The following MFGE8 variants were observed in gnomAD, a reference collection of about 807,000 sequenced individuals.
The protein encoded by MFGE8 is lactadherin.
Under a neutral mutation model 42.6 loss-of-function variants are expected in MFGE8, and 34 were observed. That is an observed-to-expected ratio of 0.80 (90% CI 0.61 to 1.06). MFGE8 has a LOEUF of 1.06. Ranked by LOEUF, MFGE8 falls within the 50% of genes least tolerant of loss-of-function variation. The pLI, the probability that MFGE8 is intolerant of heterozygous loss-of-function variation, is 0.00. For missense variants in MFGE8, 510 were observed against 516.9 expected (o/e 0.99, Z 0.13); for synonymous variants, 230 against 214.8 (o/e 1.07, Z -0.62).
In MFGE8 at chr15:88,901,630, G is replaced by T; in HGVS notation, c.791C>A (p.Pro264His). The change falls in exon 6 of 8, where the codon CCC becomes CAC. Residue 264 changes from proline (P) to histidine (H), a missense_variant. Pro to His is a moderately conservative substitution (Grantham distance 77). Coordinates refer to ENST00000268150, the MANE Select transcript of MFGE8 (RefSeq NM_005928.4). ...CTGCTTGTCCAGCCGTGCATAGGAG[G>T]GGTTCCAGCTGAAGAGATGCAAGCC... ...TWGLHLFSWN[P>H]SYARLDKQGN... 1.9e-6 allele frequency: 3 copies of T among 1,613,936 alleles called. No homozygotes were observed. The highest frequency in any genetic ancestry group is 2.5e-6 in the Non-Finnish European group (3 of 1,179,994).
intron 1 of MFGE8, chr15:88,913,005 G>T: frequency 1.0e-6 from 1 of 985,444 alleles, no homozygotes; most frequent in Non-Finnish European, 1.2e-6. Flanking sequence ...GCATCCCTGG[G>T]GGCGGCAGGG....
At chr15:88,913,146 CT>C in intron 1 of MFGE8, 100 bp downstream of exon 1, 1 of 1,430,524 alleles carries the variant, frequency 7.0e-7, no homozygotes. Context: ...GGGGCTTTGT[CT>C]AAGTTTGTCA....
Position 88,899,791 on chromosome 15 carries a change from C to T in MFGE8, c.891G>A (p.Lys297=). Residue 297 remains lysine (K), a synonymous_variant, in exon 7 of 8, where the codon AAG becomes AAA. Transcript: ENST00000268150. This position sits in a 1 kb window ranked among gnomAD's most constrained non-coding sequence, Gnocchi z 6.8. ...QWLQVDLGSS[K]EVTGIITQGA... ...CCTGGGTGATGATGCCTGTCACCTC[C>T]TTCGAGGAGCCCAGGTCCACCTACA... 2 of 1,614,010 alleles carry T rather than the reference C, an allele frequency of 1.2e-6. No homozygotes were observed. The highest frequency in any genetic ancestry group is 1.7e-6 in the Non-Finnish European group (2 of 1,179,910).
At position 88,899,925 on chromosome 15, in the gene MFGE8, C is replaced by T. The variant is rs758841497; in HGVS notation, c.871-114G>A. On this transcript the variant is annotated intron_variant, in intron 6 of 7. Coordinates refer to ENST00000268150, the MANE Select transcript of MFGE8 (RefSeq NM_005928.4). The surrounding 1 kb of genome is among the most constrained non-coding windows in gnomAD (Gnocchi z 6.8). ...TTTGAAAAAAACTACTTGGGTGAGC[C>T]TCAGTTTCTTTGGCTATAAAATGGG... 4.2e-5 allele frequency: 54 copies of T among 1,282,868 alleles called. No homozygotes were observed. Among genetic ancestry groups the T allele is most frequent in the Non-Finnish European group, 5.5e-5 (50 of 901,878 alleles). 79.5% of individuals were successfully genotyped at this position (1,282,868 alleles called of 1,614,324 possible).
At position 88,906,234 on chromosome 15, in the gene MFGE8, C is replaced by T. The variant is rs1898669408; in HGVS notation, c.541-333G>A. 4.3e-6 allele frequency: 2 copies of T among 463,740 alleles called. No individual in the cohort carries two copies. Among genetic ancestry groups the T allele is most frequent in the Admixed American group, 6.8e-5 (2 of 29,568 alleles). 28.7% of individuals were successfully genotyped at this position (463,740 alleles called of 1,614,324 possible). A position where few individuals can be genotyped will look rare whatever the true frequency, so the allele number is the denominator to read the frequency against. ...TCAAATAGTTTATTATGACAATTTTCTGACAGAGTTCCACAAATGTACAAT... is the reference window on the plus strand; with the variant it reads ...TCAAATAGTTTATTATGACAATTTTTTGACAGAGTTCCACAAATGTACAAT... On this transcript the variant is annotated intron_variant, in intron 4 of 7. Transcript: ENST00000268150. The surrounding 1 kb of genome is among the most constrained non-coding windows in gnomAD (Gnocchi z 4.2).
rs142453757 is a variant in MFGE8 at position 88,899,749 on chromosome 15, G to A, written c.933C>T (p.Gly311=). The stretch of plus-strand genomic sequence containing the variant: ...TGTAGGATGCCACAAACTGGACAGA[G>A]CCAAAGTTACGGGCCCCCTGGGTGA... ...GIITQGARNF[G]SVQFVASYKV... is the part of the protein sequence containing the mutation. The change falls in exon 7 of 8, where the codon GGC becomes GGT. Residue 311 remains glycine (G), a synonymous_variant. Transcript: ENST00000268150. This position sits in a 1 kb window ranked among gnomAD's most constrained non-coding sequence, Gnocchi z 6.8. The A allele has an allele frequency of 1.2e-6, 2 of 1,614,054 alleles. No individual in the cohort carries two copies. Among genetic ancestry groups the A allele is most frequent in the African/African-American group, 2.7e-5 (2 of 74,924 alleles).
At position 88,901,537 on chromosome 15, in the gene MFGE8, G is replaced by C. The variant is rs1567215283; in HGVS notation, c.870+14C>G. ...ACCCAACCCCAGCCCCATATCCCAA[G>C]AAGGCTGACCCACCTGCAGCCACTG... On this transcript the variant is annotated intron_variant, in intron 6 of 7. Transcript: ENST00000268150. 1 of 719,592 alleles carries C rather than the reference G, an allele frequency of 1.4e-6. No individual in the cohort carries two copies. The highest frequency in any genetic ancestry group is 2.3e-6 in the Non-Finnish European group (1 of 431,960). The allele number at this position is 719,592 out of a possible 1,614,324, so 44.6% of individuals were successfully genotyped here.
At chr15:88,901,202 TTCACAC>T (rs1555461001) in intron 6 of MFGE8, among the ~76,000 whole-genome samples, 5,925 of 52,822 alleles carry the variant, frequency 0.11, 808 homozygotes, top group Admixed American at 0.14. Context: ...CATTCACACA[TTCACAC>T]ACACACATTC....
At chr15:88,901,127 ACACACACATT>A (rs1487161549) in intron 6 of MFGE8, among the ~76,000 whole-genome samples, 1 of 80,120 alleles carries the variant, frequency 1.2e-5, no homozygotes, top group African/African-American at 4.3e-5. Context: ...ACACATTCAC[ACACACACATT>A]CACACACACA....
chr15:88,904,777 T>C (rs754640093), intron 5 of MFGE8: 2 of 152,144 alleles, frequency 1.3e-5, no homozygotes, highest in Non-Finnish European at 2.9e-5. Flanking sequence ...GGTATTTGGG[T>C]GGTGTCTGAA....
rs752650991 is a variant in MFGE8, at chr15:88,907,211, T to TTCCAG, written c.370_371insCTGGA (p.Asp124AlafsTer9). On this transcript the variant is annotated frameshift_variant, in exon 3 of 8. Coordinates refer to ENST00000268150, the MANE Select transcript of MFGE8 (RefSeq NM_005928.4). LOFTEE classifies it high-confidence loss of function. ...CAGGCATACCTGGATCCAGGGGTTATCGTCATTGCTGCTGGGTGTCCAGGC... is the reference window on the plus strand; with the variant it reads ...CAGGCATACCTGGATCCAGGGGTTATTCCAGCGTCATTGCTGCTGGGTGTCCAGGC... 5 of 1,613,682 alleles carry TTCCAG rather than the reference T, an allele frequency of 3.1e-6. No individual in the cohort carries two copies. The Admixed American group carries it at 8.3e-5, about 27-fold the overall frequency.
Position 88,905,793 on chromosome 15 carries a change from T to G in MFGE8, c.649A>C (p.Thr217Pro). 5 of 1,614,088 alleles carry G rather than the reference T, an allele frequency of 3.1e-6. No individual in the cohort carries two copies. Among genetic ancestry groups the G allele is most frequent in the Non-Finnish European group, 4.2e-6 (5 of 1,180,008 alleles). The change falls in exon 5 of 8, where the codon ACT becomes CCT. Residue 217 changes from threonine to proline, a missense_variant. Physicochemically the swap from Thr to Pro is conservative, Grantham distance 38. Coordinates refer to ENST00000268150, the MANE Select transcript of MFGE8 (RefSeq NM_005928.4). The surrounding 1 kb of genome is among the most constrained non-coding windows in gnomAD (Gnocchi z 6.6). ...CAGCCCAGTAGCTCAAAGCGCAGAG[T>G]GCAGGCCGTGTGGCAGCTCGTGGGG... ...LYPTSCHTACTLRFELLGCEL... is the reference protein window; with the variant it reads ...LYPTSCHTACPLRFELLGCEL...
chr15:88,908,174 T>A (rs925940514), intron 2 of MFGE8, among the ~76,000 whole-genome samples: 2 of 152,020 alleles, frequency 1.3e-5, no homozygotes, highest in African/African-American at 4.8e-5. Flanking sequence ...AGGCCAAGCT[T>A]CTCTCATCAC....
chr15:88,905,757 C>G lies in MFGE8; in HGVS notation c.685G>C (p.Gly229Arg). 6.2e-7 allele frequency: 1 copy of G among 1,614,122 alleles called. No individual in the cohort carries two copies. Among genetic ancestry groups the G allele is most frequent in the East Asian group, 2.2e-5 (1 of 44,876 alleles). Residue 229 changes from glycine to arginine, a missense_variant and splice_region_variant, in exon 5 of 8, where the codon GGA (glycine) becomes CGA (arginine). Physicochemically the swap from Gly to Arg is moderately radical, Grantham distance 125 (BLOSUM62 -2). Transcript: ENST00000268150. This position sits in a 1 kb window ranked among gnomAD's most constrained non-coding sequence, Gnocchi z 6.6. ...CCCTACCCGCACCCCCAGCACTCAC[C>G]GTTCAGCTCACAGCCCAGTAGCTCA... ...RFELLGCELN[G>R]CANPLGLKNN...
At chr15:88,911,889 G>C (rs986834752) in intron 1 of MFGE8, among the ~76,000 whole-genome samples, 1 of 152,104 alleles carries the variant, frequency 6.6e-6, no homozygotes, top group Non-Finnish European at 1.5e-5. Flanking sequence ...CCCCTCCAGG[G>C]GCCTCAGGAG....
chr15:88,901,275 A>ACGCACGCATT (rs1898404971), intron 6 of MFGE8, among the ~76,000 whole-genome samples: 2 of 59,436 alleles, frequency 3.4e-5, no homozygotes, highest in Non-Finnish European at 9.7e-5. Flanking sequence ...ACGCATTCAC[A>ACGCACGCATT]CACACTCACA....
rs766287798 is a variant in MFGE8, at chr15:88,906,521, G to C, written c.540+105C>G. The C allele has an allele frequency of 3.0e-6, 4 of 1,341,252 alleles. No individual in the cohort carries two copies. The Admixed American group carries it at 6.8e-5, about 23-fold the overall frequency. 83.1% of individuals were successfully genotyped at this position (1,341,252 alleles called of 1,614,324 possible). On this transcript the variant is annotated intron_variant, in intron 4 of 7. Coordinates refer to ENST00000268150, the MANE Select transcript of MFGE8 (RefSeq NM_005928.4). This position sits in a 1 kb window ranked among gnomAD's most constrained non-coding sequence, Gnocchi z 4.2. ...GATGCACCCGAAGACCCACATCATA[G>C]CCAATCACCTAGGGTTCTCTGGACT...
At chr15:88,900,028 G>C (rs189231582) in intron 6 of MFGE8, among the ~76,000 whole-genome samples, 1 of 152,270 alleles carries the variant, frequency 6.6e-6, no homozygotes, top group African/African-American at 2.4e-5. Flanking sequence ...ATCACCTGAG[G>C]TCAGGAGTTC....
Position 88,905,454 on chromosome 15 carries a change from C to G in MFGE8, c.685+303G>C, listed in dbSNP as rs898003990. On this transcript the variant is annotated intron_variant, in intron 5 of 7. Transcript: ENST00000268150. This position sits in a 1 kb window ranked among gnomAD's most constrained non-coding sequence, Gnocchi z 6.6. ...GCTGACATCTGCCAAACACACCTAACGCTACATGTTCTAGAAGCTACAGGA... is the reference window on the plus strand; with the variant it reads ...GCTGACATCTGCCAAACACACCTAAGGCTACATGTTCTAGAAGCTACAGGA... The G allele has an allele frequency of 1.8e-6, 1 of 567,444 alleles. No homozygotes were observed. The highest frequency in any genetic ancestry group is 1.8e-5 in the African/African-American group (1 of 54,120). The allele number at this position is 567,444 out of a possible 1,614,324, so 35.2% of individuals were successfully genotyped here. A position where few individuals can be genotyped will look rare whatever the true frequency, so the allele number is the denominator to read the frequency against.
Sources: gnomAD v4.1 joint callset for allele counts (sites outside exome capture counted in the v4.1 genomes callset) on GRCh38, gnomAD v4.1.1 for gene constraint, Gnocchi (gnomAD v3.1) non-coding constraint, MANE v1.5 for transcripts, NCBI Gene and HGNC (gene_info 2026-07-23, HGNC 2026-07-21) for gene names.